ZDHHC24: variants seen among roughly 807,000 people sequenced by gnomAD.
ZDHHC24 encodes probable palmitoyltransferase ZDHHC24.
Under a neutral mutation model 23.2 loss-of-function variants are expected in ZDHHC24, and 17 were observed. That is an observed-to-expected ratio of 0.73 (90% CI 0.50 to 1.10). ZDHHC24 has a LOEUF of 1.10. Among genes scored for constraint, ZDHHC24 ranks in the 50% least tolerant of loss-of-function variants. The probability of loss-of-function intolerance (pLI) is 0.00; values close to 1 mark genes in which losing one functional copy is unlikely to be tolerated. For missense variants in ZDHHC24, 366 were observed against 393.0 expected (o/e 0.93, Z 0.58); for synonymous variants, 186 against 194.5 (o/e 0.96, Z 0.36).
chr11:66,526,383 C>G (rs757167202), intron 4 of ZDHHC24, among the ~76,000 whole-genome samples: 1 of 152,188 alleles, frequency 6.6e-6, no homozygotes, highest in Admixed American at 6.5e-5. Flanking sequence ...GGGCTGGATT[C>G]GATCTTTCTA....
rs1042974801 is a variant in ZDHHC24, at chr11:66,529,607, G to T, written c.560-119C>A. On this transcript the variant is annotated intron_variant, in intron 2 of 4. Coordinates refer to the ZDHHC24 transcript ENST00000526986. ...GCTAGATAGTGCAGGCAGGGAGGTG[G>T]TAAGAGAGTGAGAAGAGGCAGGGCG... 5.7e-6 allele frequency: 4 copies of T among 696,556 alleles called. No homozygotes were observed. The East Asian group carries it at 1.1e-4, about 19-fold the overall frequency. 43.1% of individuals were successfully genotyped at this position (696,556 alleles called of 1,614,324 possible).
rs1445486922 is a variant in ZDHHC24, at chr11:66,539,920, C to T, written c.560-96G>A. On this transcript the variant is annotated intron_variant, in intron 2 of 2. Transcript: ENST00000310442. ...CACCACAAAGCAGGGCTCATTCCTC[C>T]GCTCAGCAAACCCTGTGTCGATACT... 35 of 1,255,482 alleles carry T rather than the reference C, an allele frequency of 2.8e-5. No individual in the cohort carries two copies. In the South Asian group the frequency reaches 3.2e-4, roughly 11 times the overall value. The allele number at this position is 1,255,482 out of a possible 1,614,324, so 77.8% of individuals were successfully genotyped here.
At position 66,539,452 on chromosome 11, in the gene ZDHHC24, GAC is replaced by G; in HGVS notation, c.*75_*76del. The G allele has an allele frequency of 6.9e-7, 1 of 1,443,928 alleles. No homozygotes were observed. The highest frequency in any genetic ancestry group is 9.1e-7 in the Non-Finnish European group (1 of 1,100,040). 89.4% of individuals were successfully genotyped at this position (1,443,928 alleles called of 1,614,324 possible). On this transcript the variant is annotated 3_prime_UTR_variant, in exon 3 of 3. Transcript: ENST00000310442. ...CAATGCAGATGTTAAGGTCCAACCC[GAC>G]TTCCTTACTGAGTCTAGGTGTGGGG...
chr11:66,529,738 C>T lies in ZDHHC24; in HGVS notation c.560-250G>A, dbSNP rs1856685562. 3.8e-6 allele frequency: 6 copies of T among 1,561,670 alleles called. No individual in the cohort carries two copies. The East Asian group carries it at 6.7e-5, about 17-fold the overall frequency. ...TCCTCTTGCACCCTCCCCACACCAA[C>T]CTGAGCAGGAGTGCCCCGTTGCTGC... is the stretch of plus-strand genomic sequence containing the variant. On this transcript the variant is annotated intron_variant, in intron 2 of 4. Coordinates refer to the ZDHHC24 transcript ENST00000526986.
At chr11:66,541,008 G>A (rs968481296) in intron 2 of ZDHHC24, among the ~76,000 whole-genome samples, 23 of 152,136 alleles carry the variant, frequency 1.5e-4, no homozygotes, top group African/African-American at 4.8e-4. Flanking sequence ...TAATGGGTAC[G>A]GGGTTTCTTT....
Position 66,523,866 on chromosome 11 carries a change from A to G in ZDHHC24, c.*22-2400T>C, listed in dbSNP as rs762973285. The G allele has an allele frequency of 6.2e-6, 10 of 1,613,426 alleles. No individual in the cohort carries two copies. In the South Asian group the frequency reaches 6.6e-5, roughly 11 times the overall value. On this transcript the variant is annotated intron_variant, in intron 4 of 4. Coordinates refer to the ZDHHC24 transcript ENST00000526986. ...ATTTATCGTGACAAGGCCCTGCTCAATGTCATCCACACCCCGGTGAGCCCC... is the reference window on the plus strand; with the variant it reads ...ATTTATCGTGACAAGGCCCTGCTCAGTGTCATCCACACCCCGGTGAGCCCC...
chr11:66,535,492 C>T (rs564308085), downstream of ZDHHC24, among the ~76,000 whole-genome samples: 159 of 151,980 alleles, frequency 1.0e-3, no homozygotes, highest in Non-Finnish European at 2.0e-3. Context: ...GTGCCCAGCC[C>T]CCATTAATTT....
chr11:66,537,850 C>T lies in ZDHHC24; in HGVS notation c.*1679G>A, dbSNP rs1377800017. On this transcript the variant is annotated 3_prime_UTR_variant, in exon 3 of 3. Transcript: ENST00000310442. The stretch of plus-strand genomic sequence containing the variant: ...GGCTGAGGCAGGAGAATGGCGTGAA[C>T]CCAGAAGGCGGAGCTTGCAGTGAGC... 6.6e-6 allele frequency: 1 copy of T among 151,550 alleles called. No homozygotes were observed. The highest frequency in any genetic ancestry group is 1.5e-5 in the Non-Finnish European group (1 of 67,756). The allele number at this position is 151,550 out of a possible 1,614,324, so 9.4% of individuals were successfully genotyped here.
chr11:66,521,773 C>CGG (rs1199185296), intron 4 of ZDHHC24, among the ~76,000 whole-genome samples: 2 of 151,446 alleles, frequency 1.3e-5, no homozygotes, highest in East Asian at 3.9e-4. Flanking sequence ...GGCATGGTGG[C>CGG]GCATGCCTCT....
At chr11:66,544,246 T>C (rs1857245066) in intron 1 of ZDHHC24, among the ~76,000 whole-genome samples, 1 of 152,036 alleles carries the variant, frequency 6.6e-6, no homozygotes, top group South Asian at 2.1e-4. Context: ...AGCAAATCCC[T>C]CCCTTCCTCC....
intron 4 of ZDHHC24, chr11:66,521,484 A>G: frequency 1.1e-6 from 1 of 877,772 alleles, no homozygotes; most frequent in Non-Finnish European, 1.9e-6. Context: ...TTGGAAATGC[A>G]AAGAGCTGAG....
intron 4 of ZDHHC24, chr11:66,523,037 GA>G (rs1590765634): frequency 2.5e-6 from 1 of 404,284 alleles, no homozygotes; most frequent in East Asian, 7.1e-5. Context: ...CTAAAATTGA[GA>G]GGCCAGTAAA....
chr11:66,521,225 C>T (rs778720853), exon 5 of ZDHHC24: 46 of 1,479,558 alleles, frequency 3.1e-5, no homozygotes, highest in Non-Finnish European at 3.9e-5. Flanking sequence ...CAGGGAGGGA[C>T]GGGGGCTCCA....
rs1052763574 is a variant in ZDHHC24, at chr11:66,530,065, C to T, written c.560-577G>A. 15 of 1,453,896 alleles carry T rather than the reference C, an allele frequency of 1.0e-5. No individual in the cohort carries two copies. The African/African-American group carries it at 1.1e-4, about 11-fold the overall frequency. The allele number at this position is 1,453,896 out of a possible 1,614,324, so 90.1% of individuals were successfully genotyped here. A position where few individuals can be genotyped will look rare whatever the true frequency, so the allele number is the denominator to read the frequency against. Reference sequence around the variant, plus strand: ...GAGCCAATTCCAAGCCAACTCAGCCCGTGCTCCCCATCACCTTCCCGCAGA... The same window carrying T: ...GAGCCAATTCCAAGCCAACTCAGCCTGTGCTCCCCATCACCTTCCCGCAGA... On this transcript the variant is annotated intron_variant, in intron 2 of 4. Transcript: ENST00000526986.
chr11:66,539,908 G>T lies in ZDHHC24; in HGVS notation c.560-84C>A, dbSNP rs999864039. 4.5e-6 allele frequency: 6 copies of T among 1,335,536 alleles called. No homozygotes were observed. The Admixed American group carries it at 8.4e-5, about 19-fold the overall frequency. 82.7% of individuals were successfully genotyped at this position (1,335,536 alleles called of 1,614,324 possible). ...CCTGCTCCCCTCCACCACAAAGCAG[G>T]GCTCATTCCTCCGCTCAGCAAACCC... is the stretch of plus-strand genomic sequence containing the variant. On this transcript the variant is annotated intron_variant, in intron 2 of 2. Coordinates refer to ENST00000310442, the MANE Select transcript of ZDHHC24 (RefSeq NM_207340.3).
chr11:66,534,036 G>C (rs1565292499), downstream of ZDHHC24, among the ~76,000 whole-genome samples: 1 of 152,050 alleles, frequency 6.6e-6, no homozygotes, highest in Non-Finnish European at 1.5e-5. Flanking sequence ...AGGCGTGGTG[G>C]CAGACACCTG....
At chr11:66,524,693 C>T (rs1472165746) in intron 4 of ZDHHC24, among the ~76,000 whole-genome samples, 2 of 152,150 alleles carry the variant, frequency 1.3e-5, no homozygotes, top group Non-Finnish European at 2.9e-5. Flanking sequence ...TTTTCAGACT[C>T]TAAGTTGTGA....
At chr11:66,521,557 G>T (rs1217823534) in intron 4 of ZDHHC24, 2 of 657,390 alleles carry the variant, frequency 3.0e-6, no homozygotes, top group East Asian at 2.8e-5. Context: ...TTGTGAGATA[G>T]GGGCTGGCAC....
chr11:66,520,974 C>T (rs1856190710), downstream of ZDHHC24: 1 of 426,824 alleles, frequency 2.3e-6, no homozygotes, highest in Non-Finnish European at 4.4e-6. Flanking sequence ...CCGCCTCAGC[C>T]TCTCAAAGTG....
Sources: gnomAD v4.1 joint callset for allele counts (sites outside exome capture counted in the v4.1 genomes callset) on GRCh38, gnomAD v4.1.1 for gene constraint, MANE v1.5 for transcripts, NCBI Gene and HGNC (gene_info 2026-07-23, HGNC 2026-07-21) for gene names.